Variants in STK33 observed in about 807,000 individuals in gnomAD.
STK33 encodes serine/threonine-protein kinase 33.
Under a neutral mutation model 58.0 loss-of-function variants are expected in STK33, and 52 were observed. The ratio of observed to expected loss-of-function variants is 0.90; its 90% CI spans 0.72 to 1.13. STK33 has a LOEUF of 1.13. Ranked by LOEUF, STK33 falls within the 50% of genes most tolerant of loss-of-function variation. The pLI, the probability that STK33 is intolerant of heterozygous loss-of-function variation, is 0.00. For synonymous variants in STK33, 215 were observed against 200.1 expected, an observed-to-expected ratio of 1.07 and a Z score of -0.63; for missense variants, 630 against 604.2, an observed-to-expected ratio of 1.04 and a Z score of -0.45.
intron 2 of STK33, among the ~76,000 whole-genome samples, chr11:8,478,766 G>A (rs888818967): frequency 1.5e-4 from 22 of 150,526 alleles, no homozygotes; most frequent in Admixed American, 1.1e-3. Context: ...AAAAACTTAC[G>A]AATTGTCTGA....
intron 15 of STK33, among the ~76,000 whole-genome samples, chr11:8,394,013 C>T (rs1421540696): frequency 1.3e-5 from 2 of 152,140 alleles, no homozygotes; most frequent in Middle Eastern, 3.2e-3. Flanking sequence ...GCAGGTAACA[C>T]TTAAAAATCA....
intron 14 of STK33, among the ~76,000 whole-genome samples, chr11:8,431,877 T>G (rs980871077): frequency 6.6e-6 from 1 of 152,322 alleles, no homozygotes; most frequent in Non-Finnish European, 1.5e-5. Flanking sequence ...TCAAGCTTCT[T>G]ATCTGCCAGT....
chr11:8,520,095 T>C (rs1377256934), intron 1 of STK33, among the ~76,000 whole-genome samples: 1 of 152,150 alleles, frequency 6.6e-6, no homozygotes, highest in Non-Finnish European at 1.5e-5. Context: ...AAATCCTCAA[T>C]AAAATACTGG....
At chr11:8,415,424 G>C (rs1940975826) in intron 14 of STK33, among the ~76,000 whole-genome samples, 1 of 152,098 alleles carries the variant, frequency 6.6e-6, no homozygotes, top group Non-Finnish European at 1.5e-5. Flanking sequence ...GAAATGGTAT[G>C]TATCACTTCT....
chr11:8,471,539 T>C (rs138136660), intron 6 of STK33, among the ~76,000 whole-genome samples: 3 of 152,266 alleles, frequency 2.0e-5, no homozygotes, highest in African/African-American at 7.2e-5. Context: ...AAAATGTTCA[T>C]CTAAATATTA....
At chr11:8,557,101 A>G (rs12797773) in intron 1 of STK33, among the ~76,000 whole-genome samples, 19,754 of 150,596 alleles carry the variant, frequency 0.13, 1,686 homozygotes, top group South Asian at 0.28. Flanking sequence ...AAATAAACAA[A>G]TTAGCTGGCC....
the STK33 span, among the ~76,000 whole-genome samples, chr11:8,372,528 G>C: frequency 1.3e-5 from 2 of 152,252 alleles, no homozygotes; most frequent in African/African-American, 2.4e-5. Flanking sequence ...TTAGAAACTA[G>C]TAGAAAGGCA....
chr11:8,495,769 T>C (rs1951011228), intron 1 of STK33, among the ~76,000 whole-genome samples: 1 of 151,988 alleles, frequency 6.6e-6, no homozygotes, highest in African/African-American at 2.4e-5. Flanking sequence ...TGTGCAACCA[T>C]AAAAAAGGAT....
At chr11:8,357,319 G>A in the STK33 span, among the ~76,000 whole-genome samples, 4 of 152,226 alleles carry the variant, frequency 2.6e-5, no homozygotes, top group Non-Finnish European at 4.4e-5. Flanking sequence ...CTGGGAGCCC[G>A]CCCAGCAGCC....
At chr11:8,419,986 G>C (rs898833458) in intron 14 of STK33, among the ~76,000 whole-genome samples, 3 of 151,902 alleles carry the variant, frequency 2.0e-5, no homozygotes, top group African/African-American at 7.3e-5. Flanking sequence ...TATTATTTTT[G>C]TTGTTGTAGA....
intron 14 of STK33, among the ~76,000 whole-genome samples, chr11:8,422,203 G>T (rs770774037): frequency 6.6e-6 from 1 of 151,990 alleles, no homozygotes. Context: ...TATTACAAAT[G>T]ATTTCTCTGA....
intron 1 of STK33, among the ~76,000 whole-genome samples, chr11:8,570,729 A>C (rs1489028655): frequency 6.6e-6 from 1 of 152,230 alleles, no homozygotes; most frequent in Admixed American, 6.5e-5. Context: ...GGATGGAGAC[A>C]TTAAAACGGA....
At chr11:8,424,521 G>A (rs1042318653) in intron 14 of STK33, among the ~76,000 whole-genome samples, 3 of 151,766 alleles carry the variant, frequency 2.0e-5, no homozygotes, top group Non-Finnish European at 4.4e-5. Flanking sequence ...GGATTGCTGG[G>A]TCAAATGGTA....
intron 1 of STK33, among the ~76,000 whole-genome samples, chr11:8,521,795 C>T (rs558633321): frequency 6.6e-6 from 1 of 152,218 alleles, no homozygotes; most frequent in African/African-American, 2.4e-5. Flanking sequence ...AATCAAACAA[C>T]CCCATCAAAA....
chr11:8,507,619 G>C (rs1210862321), intron 1 of STK33, among the ~76,000 whole-genome samples: 1 of 152,040 alleles, frequency 6.6e-6, no homozygotes, highest in African/African-American at 2.4e-5. Flanking sequence ...GACTAAATAA[G>C]GGGGATGGGG....
chr11:8,372,044 A>AT, the STK33 span, among the ~76,000 whole-genome samples: 1 of 151,560 alleles, frequency 6.6e-6, no homozygotes, highest in African/African-American at 2.4e-5. Flanking sequence ...TAATATTTTG[A>AT]TTTTTTGTAG....
intron 7 of STK33, among the ~76,000 whole-genome samples, chr11:8,462,589 G>GAAAGAGAGAGAGACAGACAGAC (rs1947693969): frequency 6.6e-6 from 1 of 151,758 alleles, no homozygotes; most frequent in South Asian, 2.1e-4. Flanking sequence ...GAGAGAGACG[G>GAAAGAGAGAGAGACAGACAGAC]AAAGAGAGAG....
chr11:8,431,807 T>C (rs1244515597), intron 14 of STK33, among the ~76,000 whole-genome samples: 1 of 152,182 alleles, frequency 6.6e-6, no homozygotes, highest in Non-Finnish European at 1.5e-5. Flanking sequence ...ACGATTTTCT[T>C]TTTTTTCTTA....
intron 1 of STK33, among the ~76,000 whole-genome samples, chr11:8,500,333 C>T (rs1453197474): frequency 1.5e-5 from 2 of 135,002 alleles, no homozygotes; most frequent in Non-Finnish European, 3.3e-5. Flanking sequence ...CACAGAAACA[C>T]CCCCCAACAC....
Sources: allele counts gnomAD v4.1 joint callset (sites outside exome capture counted in the v4.1 genomes callset), GRCh38; gene constraint gnomAD v4.1.1; transcripts MANE v1.5; gene names NCBI Gene and HGNC (gene_info 2026-07-23, HGNC 2026-07-21).